Variants in TMEM260 observed in about 807,000 individuals in gnomAD.
TMEM260 encodes the protein protein O-mannosyl-transferase TMEM260.
Under a neutral mutation model 88.9 loss-of-function variants are expected in TMEM260, and 82 were observed. The observed-to-expected ratio is 0.92, with a 90% CI of 0.77 to 1.11. The LOEUF is 1.11. Ranked by LOEUF, TMEM260 falls within the 50% of genes least tolerant of loss-of-function variation. TMEM260 has a pLI of 0.00. For missense variants in TMEM260, 902 were observed against 853.4 expected (o/e 1.06, Z -0.71); for synonymous variants, 314 against 309.3 (o/e 1.02, Z -0.16).
rs1199690042 is a variant in TMEM260, at chr14:56,618,614, G to A, written c.1077G>A (p.Gln359=). 2.5e-6 allele frequency: 4 copies of A among 1,614,154 alleles called. No individual in the cohort carries two copies. Among genetic ancestry groups the A allele is most frequent in the Non-Finnish European group, 3.4e-6 (4 of 1,180,012 alleles). The change falls in exon 10 of 16, where the codon CAG becomes CAA. Residue 359 remains glutamine, a synonymous_variant. Coordinates refer to ENST00000261556, the MANE Select transcript of TMEM260 (RefSeq NM_017799.4). The part of the protein sequence containing the change: ...FMGVVERFWM[Q]SNAVVAVLAG... ...CACAGGTGGAACGATTCTGGATGCA[G>A]AGCAATGCAGTAGTGGCCGTCCTCG...
chr14:56,632,579 T>C (rs1888697976), intron 12 of TMEM260, among the ~76,000 whole-genome samples: 1 of 151,816 alleles, frequency 6.6e-6, no homozygotes. Context: ...TGGAGCTTTT[T>C]TTATCCTTAT....
the TMEM260 span, among the ~76,000 whole-genome samples, chr14:56,658,660 A>G: frequency 1.3e-5 from 2 of 152,186 alleles, no homozygotes; most frequent in Non-Finnish European, 2.9e-5. Flanking sequence ...GAGTGTCCTG[A>G]ATTTAAGGAA....
At chr14:56,650,363 C>T (rs1023079), downstream of TMEM260, 161,752 of 226,824 alleles carry the variant, frequency 0.71, 60,045 homozygotes, top group Non-Finnish European at 0.81. Flanking sequence ...AGTGGAGAAG[C>T]GGATGGTGGC....
At chr14:56,583,990 TTGTG>T (rs10594077) in intron 1 of TMEM260, among the ~76,000 whole-genome samples, 58,246 of 145,670 alleles carry the variant, frequency 0.4, 11,413 homozygotes, top group South Asian at 0.45. Flanking sequence ...ATCCAGCCTT[TTGTG>T]TGTGTGTGTG....
At chr14:56,581,543 A>G (rs140506756) in intron 1 of TMEM260, among the ~76,000 whole-genome samples, 3 of 152,290 alleles carry the variant, frequency 2.0e-5, no homozygotes, top group Non-Finnish European at 4.4e-5. Flanking sequence ...TAAAAAAATA[A>G]AAAGATTGAC....
the TMEM260 span, among the ~76,000 whole-genome samples, chr14:56,662,705 A>C: frequency 6.6e-6 from 1 of 152,238 alleles, no homozygotes; most frequent in African/African-American, 2.4e-5. Flanking sequence ...TCTCACTGCC[A>C]CCTTCTGAAT....
the TMEM260 span, among the ~76,000 whole-genome samples, chr14:56,660,054 C>T: frequency 2.0e-5 from 3 of 152,142 alleles, no homozygotes; most frequent in African/African-American, 7.2e-5. Context: ...CTATAAATTT[C>T]ACGCCTTGCA....
intron 15 of TMEM260, chr14:56,638,133 A>G (rs12893763): frequency 0.79 from 120,481 of 152,046 alleles, 48,292 homozygotes; most frequent in Non-Finnish European, 0.85. Context: ...AGTCCATAAG[A>G]AGCAAGCCAT....
At chr14:56,657,682 T>A in the TMEM260 span, among the ~76,000 whole-genome samples, 1 of 152,216 alleles carries the variant, frequency 6.6e-6, no homozygotes, top group African/African-American at 2.4e-5. Context: ...TTAAAAGTGT[T>A]GCTTACGAAA....
chr14:56,645,387 G>T (rs144422886), intron 15 of TMEM260, among the ~76,000 whole-genome samples: 4 of 151,870 alleles, frequency 2.6e-5, no homozygotes, highest in East Asian at 3.9e-4. Context: ...GCAAACTATC[G>T]CAAGGACAAA....
chr14:56,597,302 T>C (rs1413126574), intron 3 of TMEM260, among the ~76,000 whole-genome samples: 2 of 152,320 alleles, frequency 1.3e-5, no homozygotes, highest in Admixed American at 6.5e-5. Context: ...TAATTAGAAA[T>C]GTTCAACTGA....
intron 15 of TMEM260, among the ~76,000 whole-genome samples, chr14:56,638,938 A>G (rs1330605679): frequency 6.6e-6 from 1 of 152,212 alleles, no homozygotes; most frequent in Non-Finnish European, 1.5e-5. Flanking sequence ...ACGAAGAATG[A>G]TGGGCTTCTC....
downstream of TMEM260, among the ~76,000 whole-genome samples, chr14:56,651,103 C>T (rs749674630): frequency 6.6e-6 from 1 of 152,088 alleles, no homozygotes; most frequent in African/African-American, 2.4e-5. Context: ...CTGGGAACAT[C>T]TAAAGGCCAA....
Position 56,647,465 on chromosome 14 carries a change from C to T in TMEM260, c.2092C>T (p.Leu698=), listed in dbSNP as rs1890039829. The T allele has an allele frequency of 3.1e-6, 5 of 1,607,952 alleles. No homozygotes were observed. Among genetic ancestry groups the T allele is most frequent in the Non-Finnish European group, 4.2e-6 (5 of 1,178,432 alleles). ...TGCTCTAAAGCACCTAAGAAAAGAA[C>T]TGCAAAGTCTGAGAAATAGGAAAAA... ...LGALKHLRKE[L]QSLRNRKNV The change falls in exon 16 of 16, where the codon CTG becomes TTG. Residue 698 remains leucine (L), a synonymous_variant. Transcript: ENST00000261556.
At chr14:56,631,038 C>T (rs946322372) in intron 12 of TMEM260, among the ~76,000 whole-genome samples, 11 of 152,086 alleles carry the variant, frequency 7.2e-5, no homozygotes, top group African/African-American at 2.7e-4. Context: ...CTTGCCACCT[C>T]AGAAGAAAGA....
At chr14:56,609,933 G>A (rs546967318) in intron 6 of TMEM260, among the ~76,000 whole-genome samples, 1 of 152,204 alleles carries the variant, frequency 6.6e-6, no homozygotes, top group East Asian at 1.9e-4. Context: ...AGTTATATCA[G>A]GTTTTTCTTT....
chr14:56,653,748 A>AAAAAAACAACAAG (rs1296656215), downstream of TMEM260, among the ~76,000 whole-genome samples: 1 of 144,614 alleles, frequency 6.9e-6, no homozygotes, highest in Admixed American at 6.9e-5. Context: ...AAACAAAAAA[A>AAAAAAACAACAAG]AAAAAAACAG....
At chr14:56,652,814 A>G (rs1030847367), downstream of TMEM260, among the ~76,000 whole-genome samples, 1 of 152,160 alleles carries the variant, frequency 6.6e-6, no homozygotes, top group Non-Finnish European at 1.5e-5. Flanking sequence ...GCTTGTATCT[A>G]CACAGTTAAG....
At chr14:56,640,001 A>G (rs55912755) in intron 15 of TMEM260, among the ~76,000 whole-genome samples, 5,134 of 152,318 alleles carry the variant, frequency 0.034, 138 homozygotes, top group East Asian at 0.099. Context: ...CGAACTGGGT[A>G]GAGCCCACCA....
Sources: gnomAD v4.1 joint callset for allele counts (sites outside exome capture counted in the v4.1 genomes callset) on GRCh38, gnomAD v4.1.1 for gene constraint, MANE v1.5 for transcripts, NCBI Gene and HGNC (gene_info 2026-07-23, HGNC 2026-07-21) for gene names.